LMNB2: variants seen among roughly 807,000 people sequenced by gnomAD.
The protein encoded by LMNB2 is lamin-B2.
Under a neutral mutation model 69.3 loss-of-function variants are expected in LMNB2, and 17 were observed. That is an observed-to-expected ratio of 0.25 (90% CI 0.17 to 0.37). LMNB2 has a LOEUF of 0.37. Ranked by LOEUF, LMNB2 falls within the 10% of genes least tolerant of loss-of-function variation. LMNB2 has a pLI of 1.00. For synonymous variants in LMNB2, 397 were observed against 389.3 expected (o/e 1.02, Z -0.23); for missense variants, 789 against 883.6 (o/e 0.89, Z 1.36).
chr19:2,430,257 C>A lies in LMNB2; in HGVS notation c.*654G>T, dbSNP rs75202524. The A allele has an allele frequency of 2.4e-3, 415 of 174,656 alleles. 2 individuals are homozygous for A. The highest frequency in any genetic ancestry group is 9.5e-3 in the African/African-American group (399 of 41,860). 10.8% of individuals were successfully genotyped at this position (174,656 alleles called of 1,614,324 possible). A position where few individuals can be genotyped will look rare whatever the true frequency, so the allele number is the denominator to read the frequency against. On this transcript the variant is annotated 3_prime_UTR_variant, in exon 12 of 12. Transcript: ENST00000325327. ...CCTTGCACAGTCAGGAACTGAACTGCGGGAAAACTCCCCCAAATAAAGTCA... is the reference window on the plus strand; with the variant it reads ...CCTTGCACAGTCAGGAACTGAACTGAGGGAAAACTCCCCCAAATAAAGTCA...
intron 4 of LMNB2, among the ~76,000 whole-genome samples, chr19:2,437,810 G>A (rs543310818): frequency 5.0e-5 from 5 of 99,646 alleles, no homozygotes; most frequent in African/African-American, 9.8e-5. Context: ...AAAAAAAGAC[G>A]TGCCCACATC....
At chr19:2,433,139 G>A (rs76477894) in intron 8 of LMNB2, among the ~76,000 whole-genome samples, 1 of 106,468 alleles carries the variant, frequency 9.4e-6, no homozygotes, top group African/African-American at 3.8e-5. Flanking sequence ...CCTGATCCTG[G>A]TCACCCCCAT....
Position 2,433,399 on chromosome 19 carries a change from C to T in LMNB2, c.1482+427G>A, listed in dbSNP as rs150814306. Among the ~76,000 whole-genome samples, 79 of 40,804 alleles carry T rather than the reference C, an allele frequency of 1.9e-3. 5 individuals carry two copies. The highest frequency in any genetic ancestry group is 0.014 in the African/African-American group (73 of 5,208). 26.8% of individuals were successfully genotyped at this position (40,804 alleles called of 152,430 possible). ...CGTTACCCCCATGCCCCAGTCATTCCGGTCACCTTGTCCCCTGCCTCGCAT... is the reference window on the plus strand; with the variant it reads ...CGTTACCCCCATGCCCCAGTCATTCTGGTCACCTTGTCCCCTGCCTCGCAT... On this transcript the variant is annotated intron_variant, in intron 8 of 11. Transcript: ENST00000325327.
chr19:2,451,185 G>C (rs996477720), intron 1 of LMNB2, among the ~76,000 whole-genome samples: 2 of 152,290 alleles, frequency 1.3e-5, no homozygotes, highest in East Asian at 1.9e-4. Context: ...GGAGGCAGAG[G>C]TTGAAGTGAG....
chr19:2,445,431 G>T (rs1451595169), intron 1 of LMNB2, among the ~76,000 whole-genome samples: 1 of 152,054 alleles, frequency 6.6e-6, no homozygotes, highest in East Asian at 1.9e-4. Context: ...CCCCCCGACA[G>T]GCCAGCTGCC....
Position 2,431,542 on chromosome 19 carries a change from T to C in LMNB2, c.1821+6A>G, listed in dbSNP as rs757943594. 7 of 1,613,714 alleles carry C rather than the reference T, an allele frequency of 4.3e-6. No homozygotes were observed. The African/African-American group carries it at 5.3e-5, about 12-fold the overall frequency. On this transcript the variant is annotated splice_donor_region_variant and intron_variant, in intron 11 of 11. Coordinates refer to ENST00000325327, the MANE Select transcript of LMNB2 (RefSeq NM_032737.4). ...CCCCAGCCGCAAGTGGGCACAGGGG[T>C]CCTACCTGTTGGTGGAAAAGATCCT... is the stretch of plus-strand genomic sequence containing the variant.
chr19:2,454,865 C>T (rs1303596496), intron 1 of LMNB2, among the ~76,000 whole-genome samples: 2 of 152,112 alleles, frequency 1.3e-5, no homozygotes, highest in Non-Finnish European at 2.9e-5. Context: ...GGACAGATTG[C>T]ACCCAGACCC....
At chr19:2,442,025 T>C (rs1253787855) in intron 2 of LMNB2, among the ~76,000 whole-genome samples, 1 of 152,198 alleles carries the variant, frequency 6.6e-6, no homozygotes, top group Non-Finnish European at 1.5e-5. Context: ...TCAGACCCGT[T>C]TCCTAAGCGC....
intron 1 of LMNB2, among the ~76,000 whole-genome samples, chr19:2,449,637 T>C (rs1291212467): frequency 1.4e-5 from 2 of 147,766 alleles, no homozygotes; most frequent in African/African-American, 5.1e-5. Context: ...ATTAGCTGGG[T>C]GTGGTGGTAG....
chr19:2,433,165 G>A (rs879084074), intron 8 of LMNB2, among the ~76,000 whole-genome samples: 29 of 77,096 alleles, frequency 3.8e-4, no homozygotes, highest in South Asian at 1.1e-3. Flanking sequence ...GGGTCACCCC[G>A]TTACCCCCAT....
At chr19:2,454,984 G>A (rs1172240069) in intron 1 of LMNB2, among the ~76,000 whole-genome samples, 2 of 151,858 alleles carry the variant, frequency 1.3e-5, no homozygotes, top group East Asian at 1.9e-4. Flanking sequence ...ACTTTCCACC[G>A]GACCCAAGAT....
chr19:2,434,965 A>G, intron 5 of LMNB2, 36 bp downstream of exon 5: 1 of 1,312,648 alleles, frequency 7.6e-7, no homozygotes, highest in Non-Finnish European at 1.0e-6. Flanking sequence ...CGGGGTTCCC[A>G]CCGGCCGCCC....
At chr19:2,432,394 G>A (rs199823927) in intron 9 of LMNB2, 22 bp downstream of exon 9, 35 of 1,333,772 alleles carry the variant, frequency 2.6e-5, no homozygotes, top group Admixed American at 1.1e-4. Flanking sequence ...GGCCACCCTC[G>A]CCCTCCTGCC....
chr19:2,438,496 T>C lies in LMNB2; in HGVS notation c.437A>G (p.Gln146Arg), dbSNP rs1971855038. 5.6e-6 allele frequency: 9 copies of C among 1,610,600 alleles called. No homozygotes were observed. The highest frequency in any genetic ancestry group is 7.6e-6 in the Non-Finnish European group (9 of 1,179,078). Reference sequence around the variant, plus strand: ...GGACTCCAGGTCCTTCACACGGCCCTGGGCCACCGTAAGCTCGCCCTCCCT... The same window carrying C: ...GGACTCCAGGTCCTTCACACGGCCCCGGGCCACCGTAAGCTCGCCCTCCCT... ...KKREGELTVA[Q>R]GRVKDLESLF... The change falls in exon 3 of 12, where the codon CAG (glutamine) becomes CGG (arginine). Residue 146 changes from glutamine to arginine, a missense_variant. Physicochemically the swap from Gln to Arg is conservative, Grantham distance 43. Transcript: ENST00000325327.
Position 2,433,996 on chromosome 19 carries a change from G to A in LMNB2, c.1312C>T (p.Arg438Trp), listed in dbSNP as rs780728738. 36 of 1,609,510 alleles carry A rather than the reference G, an allele frequency of 2.2e-5. No individual in the cohort carries two copies. Among genetic ancestry groups the A allele is most frequent in the Non-Finnish European group, 2.7e-5 (32 of 1,179,178 alleles). The change falls in exon 8 of 12, where the codon CGG becomes TGG. Residue 438 changes from arginine (R) to tryptophan (W), a missense_variant. By Grantham distance (101) the Arg-to-Trp change is moderately radical (BLOSUM62 -3). Coordinates refer to ENST00000325327, the MANE Select transcript of LMNB2 (RefSeq NM_032737.4). ...CCCAAGGGCTCCTCCACCTCCAGCC[G>A]CTTCCGCTTACTGCGGCCCAGGCGC... ...TGRLGRSKRK[R>W]LEVEEPLGSG...
At chr19:2,452,433 AG>A (rs200958108) in intron 1 of LMNB2, among the ~76,000 whole-genome samples, 4,395 of 135,020 alleles carry the variant, frequency 0.033, 228 homozygotes, top group African/African-American at 0.11. Flanking sequence ...GACTCTGTCT[AG>A]AAAAAAAAAA....
rs772086776 is a variant in LMNB2, at chr19:2,438,178, C to A, written c.669G>T (p.Lys223Asn). 6.2e-7 allele frequency: 1 copy of A among 1,614,022 alleles called. No individual in the cohort carries two copies. The highest frequency in any genetic ancestry group is 8.5e-7 in the Non-Finnish European group (1 of 1,180,034). ...QSLQEELDFR[K>N]SVFEEEVRET... ...ACTCACTCACCTCCTCGAACACACT[C>A]TTCCGGAAGTCCAGCTCCTCCTGCA... Residue 223 changes from lysine to asparagine, a missense_variant, in exon 4 of 12, where the codon AAG becomes AAT. Physicochemically the swap from Lys to Asn is moderately conservative, Grantham distance 94. Around this residue, in one of 3 missense-constraint regions of LMNB2, gnomAD observed 609 missense variants for 630.9 expected, o/e 0.97. Coordinates refer to ENST00000325327, the MANE Select transcript of LMNB2 (RefSeq NM_032737.4).
chr19:2,448,087 C>A (rs1971978554), intron 1 of LMNB2, among the ~76,000 whole-genome samples: 1 of 152,216 alleles, frequency 6.6e-6, no homozygotes, highest in Non-Finnish European at 1.5e-5. Flanking sequence ...GAGCTCCTCC[C>A]GCGGCACCCC....
chr19:2,439,893 T>C lies in LMNB2; in HGVS notation c.402-1362A>G, dbSNP rs1325145568. On this transcript the variant is annotated intron_variant, in intron 2 of 11. Coordinates refer to ENST00000325327, the MANE Select transcript of LMNB2 (RefSeq NM_032737.4). ...GGATTACAGGCATGCGCCACCAGCG[T>C]CCGCTAATTTTTTATTTTTAGTAGA... is the stretch of plus-strand genomic sequence containing the variant. Among the ~76,000 whole-genome samples, 4 of 151,258 alleles carry C rather than the reference T, an allele frequency of 2.6e-5. No individual in the cohort carries two copies. The South Asian group carries it at 8.4e-4, about 32-fold the overall frequency.
Sources: gnomAD v4.1 joint callset for allele counts (sites outside exome capture counted in the v4.1 genomes callset) on GRCh38, gnomAD v4.1.1 for gene constraint, gnomAD v4.1.1 regional missense constraint, MANE v1.5 for transcripts, NCBI Gene and HGNC (gene_info 2026-07-23, HGNC 2026-07-21) for gene names.